Variants in PBRM1 observed in about 807,000 individuals in gnomAD.
The protein encoded by PBRM1 is protein polybromo-1.
A neutral mutation model predicts 194.5 loss-of-function variants in PBRM1; 27 were observed. The observed-to-expected ratio is 0.14, with a 90% CI of 0.10 to 0.19. The LOEUF is 0.19. PBRM1 is among the 10% of genes least tolerant of loss of function. The pLI is 1.00. For synonymous variants in PBRM1, 655 were observed against 693.2 expected, an observed-to-expected ratio of 0.94 and a Z score of 0.87; for missense variants, 1,466 against 2,077.2, an observed-to-expected ratio of 0.71 and a Z score of 5.72.
intron 17 of PBRM1, among the ~76,000 whole-genome samples, chr3:52,596,267 G>A (rs898763050): frequency 1.7e-4 from 26 of 151,238 alleles, no homozygotes; most frequent in East Asian, 3.9e-4. Context: ...GTGAAACCCC[G>A]TCTCTACTAA....
chr3:52,615,448 AT>A lies in PBRM1; in HGVS notation c.1826del (p.Asn609MetfsTer33). On this transcript the variant is annotated frameshift_variant, in exon 15 of 30. Transcript: ENST00000296302. LOFTEE classifies it high-confidence loss of function. ...GTAACTTCTCCAGGATATGTGCATCATTATAAACCTACATTCCAAAAATATA... is the reference window on the plus strand; with the variant it reads ...GTAACTTCTCCAGGATATGTGCATCATATAAACCTACATTCCAAAAATATA... 6.3e-7 allele frequency: 1 copy of A among 1,582,642 alleles called. No homozygotes were observed. The highest frequency in any genetic ancestry group is 8.7e-7 in the Non-Finnish European group (1 of 1,151,564).
exon 18 of PBRM1, chr3:52,589,231 G>C (rs765579974): frequency 2.6e-6 from 4 of 1,545,828 alleles, no homozygotes; most frequent in Non-Finnish European, 3.5e-6. Context: ...TGCAGCACCA[G>C]AGGAATCTTC....
chr3:52,547,983 T>TC (rs932499091), downstream of PBRM1: 3 of 1,227,074 alleles, frequency 2.4e-6, no homozygotes, highest in Non-Finnish European at 2.3e-6. Context: ...CTTTGTTCCT[T>TC]CCCCCCACCC....
intron 27 of PBRM1, among the ~76,000 whole-genome samples, chr3:52,553,488 CTTTT>C (rs35486235): frequency 8.5e-5 from 11 of 128,984 alleles, no homozygotes; most frequent in African/African-American, 8.5e-5. Context: ...TAATGTCAGG[CTTTT>C]TTTTTTTTTT....
rs977001396 is a variant in PBRM1 at position 52,614,360 on chromosome 3, C to T, written c.1924+991G>A. On this transcript the variant is annotated intron_variant, in intron 15 of 29. Coordinates refer to ENST00000296302, the Ensembl canonical transcript of PBRM1. Reference sequence around the variant, plus strand: ...CTGCACTCCAACCGGGGTGACAGGGCGAGATGCTTCATCAAAAAAAAAAAA... The same window carrying T: ...CTGCACTCCAACCGGGGTGACAGGGTGAGATGCTTCATCAAAAAAAAAAAA... Among the ~76,000 whole-genome samples, 3 of 99,262 alleles carry T rather than the reference C, an allele frequency of 3.0e-5. No individual in the cohort carries two copies. The Admixed American group carries it at 5.0e-4, about 17-fold the overall frequency. The allele number at this position is 99,262 out of a possible 152,430, so 65.1% of individuals were successfully genotyped here. A position where few individuals can be genotyped will look rare whatever the true frequency, so the allele number is the denominator to read the frequency against.
upstream of PBRM1, chr3:52,682,266 A>C (rs1019358659): frequency 1.3e-5 from 2 of 151,834 alleles, no homozygotes; most frequent in Middle Eastern, 3.2e-3. Flanking sequence ...CATGTGAGCA[A>C]AAGGTCTGGA....
At chr3:52,549,902 CAA>C (rs775273816) in intron 29 of PBRM1, among the ~76,000 whole-genome samples, 5 of 120,514 alleles carry the variant, frequency 4.1e-5, no homozygotes, top group African/African-American at 6.2e-5. Flanking sequence ...GAGACTGTCT[CAA>C]AAAAAAAAAA....
chr3:52,624,827 A>C (rs1019809653), intron 13 of PBRM1, 70 bp downstream of exon 15: 1 of 1,016,392 alleles, frequency 9.8e-7, no homozygotes, highest in Non-Finnish European at 1.5e-6. Flanking sequence ...CTTTTCACCT[A>C]ATCAGTACTG....
At chr3:52,643,609 G>C (rs959458246) in intron 8 of PBRM1, among the ~76,000 whole-genome samples, 1 of 152,150 alleles carries the variant, frequency 6.6e-6, no homozygotes, top group Non-Finnish European at 1.5e-5. Flanking sequence ...GGAAAGCTTT[G>C]AAAGTAGTCA....
At chr3:52,590,180 G>A (rs1247877186) in intron 17 of PBRM1, among the ~76,000 whole-genome samples, 2 of 151,834 alleles carry the variant, frequency 1.3e-5, no homozygotes, top group Admixed American at 6.6e-5. Context: ...GGCCGGTAGC[G>A]GCAGCTCACG....
intron 16 of PBRM1, among the ~76,000 whole-genome samples, chr3:52,608,637 T>TC (rs1217963082): frequency 6.6e-6 from 1 of 152,022 alleles, no homozygotes; most frequent in Non-Finnish European, 1.5e-5. Flanking sequence ...TGTATCTTTT[T>TC]TTTTTTTATA....
At chr3:52,602,296 G>C (rs765082158) in intron 17 of PBRM1, among the ~76,000 whole-genome samples, 3 of 152,120 alleles carry the variant, frequency 2.0e-5, no homozygotes, top group Non-Finnish European at 4.4e-5. Flanking sequence ...CCTGACACTA[G>C]GGGTTGCTCC....
chr3:52,653,670 G>A (rs35409678), intron 5 of PBRM1, among the ~76,000 whole-genome samples: 51,039 of 151,428 alleles, frequency 0.34, 9,611 homozygotes, highest in Admixed American at 0.46. Flanking sequence ...CCTGCACTTC[G>A]GGAGGCCGAG....
At chr3:52,581,658 A>G (rs1377770949) in intron 20 of PBRM1, among the ~76,000 whole-genome samples, 1 of 147,706 alleles carries the variant, frequency 6.8e-6, no homozygotes, top group Admixed American at 6.7e-5. Context: ...TTTTTTTTTG[A>G]TACGGAGTCT....
At chr3:52,606,707 A>T (rs2094366001) in intron 16 of PBRM1, among the ~76,000 whole-genome samples, 1 of 152,228 alleles carries the variant, frequency 6.6e-6, no homozygotes, top group Non-Finnish European at 1.5e-5. Context: ...TAAGGCAGAC[A>T]TTCAGCAAAA....
chr3:52,604,958 A>AAAAT (rs144080973), intron 16 of PBRM1, among the ~76,000 whole-genome samples: 13,712 of 145,700 alleles, frequency 0.094, 724 homozygotes, highest in Non-Finnish European at 0.11. Flanking sequence ...ACTCTGTCCC[A>AAAAT]AAATAAATAA....
chr3:52,586,877 T>C (rs2092468931), intron 19 of PBRM1, among the ~76,000 whole-genome samples, 189 bp from the exon 22 acceptor site: 1 of 151,962 alleles, frequency 6.6e-6, no homozygotes, highest in African/African-American at 2.4e-5. Context: ...GGCTACGGAA[T>C]GGACTTATTA....
In PBRM1 at chr3:52,617,168, T is replaced by C; in HGVS notation, c.1818+94A>G. 2 of 934,582 alleles carry C rather than the reference T, an allele frequency of 2.1e-6. 1 individual carries two copies. The highest frequency in any genetic ancestry group is 3.6e-5 in the South Asian group (2 of 55,088). The allele number at this position is 934,582 out of a possible 1,614,324, so 57.9% of individuals were successfully genotyped here. A position where few individuals can be genotyped will look rare whatever the true frequency, so the allele number is the denominator to read the frequency against. On this transcript the variant is annotated intron_variant, in intron 14 of 29. Coordinates refer to ENST00000296302, the Ensembl canonical transcript of PBRM1. ...AGTCACCAAAAAGAATAATCTAAGT[T>C]AAGCCTCTAGAGCTGGTCTCTCAAA...
At chr3:52,591,194 A>G (rs1275459759) in intron 17 of PBRM1, among the ~76,000 whole-genome samples, 1 of 152,200 alleles carries the variant, frequency 6.6e-6, no homozygotes, top group African/African-American at 2.4e-5. Flanking sequence ...GAATTAAGTC[A>G]TCTGCAAAGA....
Sources: allele counts gnomAD v4.1 joint callset (sites outside exome capture counted in the v4.1 genomes callset), GRCh38; gene constraint gnomAD v4.1.1; transcripts MANE v1.5; gene names NCBI Gene and HGNC (gene_info 2026-07-23, HGNC 2026-07-21).